BCAS4: variants seen among roughly 807,000 people sequenced by gnomAD.
BCAS4 encodes breast carcinoma amplified sequence 4, also known as breast carcinoma-amplified sequence 4.
BCAS4 carries 9 observed loss-of-function variants against 15.7 expected under a neutral mutation model. The observed-to-expected ratio is 0.57, with a 90% CI of 0.34 to 1.00. BCAS4 has a LOEUF of 1.00. Among genes scored for constraint, BCAS4 ranks in the 50% least tolerant of loss-of-function variants. The pLI is 0.02. For missense variants in BCAS4, 225 were observed against 239.1 expected (o/e 0.94, Z 0.39); for synonymous variants, 101 against 99.5 (o/e 1.02, Z -0.09).
At chr20:50,821,859 G>A (rs1011021625) in intron 2 of BCAS4, among the ~76,000 whole-genome samples, 8 of 152,116 alleles carry the variant, frequency 5.3e-5, no homozygotes, top group African/African-American at 1.4e-4. Context: ...TTTAACATTT[G>A]ATATAATGCC....
intron 4 of BCAS4, among the ~76,000 whole-genome samples, chr20:50,870,574 T>C (rs1979588019): frequency 1.3e-5 from 2 of 152,164 alleles, no homozygotes; most frequent in Admixed American, 1.3e-4. Context: ...ACCGTGGGGA[T>C]CTCAGGCTGG....
rs1568661099 is a variant in BCAS4, at chr20:50,818,302, G to A, written c.162+20G>A. On this transcript the variant is annotated intron_variant, in intron 2 of 4. Coordinates refer to ENST00000371608, the MANE Select transcript of BCAS4 (RefSeq NM_198799.4). ...GACCTGGTGAGTGGCTGCCTGGAAG[G>A]CGTGGGTTTAGGCCCAGGCCAGACT... 1.9e-6 allele frequency: 3 copies of A among 1,609,892 alleles called. No homozygotes were observed. Among genetic ancestry groups the A allele is most frequent in the Non-Finnish European group, 2.5e-6 (3 of 1,178,346 alleles).
chr20:50,860,822 C>G (rs986734229), intron 4 of BCAS4, among the ~76,000 whole-genome samples: 5 of 152,010 alleles, frequency 3.3e-5, no homozygotes, highest in African/African-American at 1.2e-4. Context: ...TGCAGTGAGC[C>G]AAGATCATGC....
At chr20:50,854,967 C>A (rs1356070843) in intron 4 of BCAS4, among the ~76,000 whole-genome samples, 2 of 152,228 alleles carry the variant, frequency 1.3e-5, no homozygotes, top group Admixed American at 6.5e-5. Context: ...CCCCTCCACA[C>A]TGCTCATGCC....
chr20:50,824,289 A>T (rs1006836903), intron 2 of BCAS4, among the ~76,000 whole-genome samples: 3 of 152,206 alleles, frequency 2.0e-5, no homozygotes, highest in Non-Finnish European at 4.4e-5. Flanking sequence ...CAGCAGTTGC[A>T]TTTGGCGTGG....
intron 1 of BCAS4, among the ~76,000 whole-genome samples, chr20:50,817,673 G>C (rs1421970013): frequency 1.3e-5 from 2 of 152,040 alleles, no homozygotes; most frequent in African/African-American, 4.8e-5. Context: ...TGTTGGTCAG[G>C]CTGGTCTCAA....
At chr20:50,796,294 G>T in intron 1 of BCAS4, among the ~76,000 whole-genome samples, 1 of 147,482 alleles carries the variant, frequency 6.8e-6, no homozygotes, top group East Asian at 2.0e-4. Context: ...GCTTGAACCT[G>T]GGAGGCGGAG....
intron 1 of BCAS4, among the ~76,000 whole-genome samples, chr20:50,807,920 T>C (rs1171302210): frequency 6.6e-6 from 1 of 151,084 alleles, no homozygotes; most frequent in Non-Finnish European, 1.5e-5. Context: ...TTTTTTTTTT[T>C]TCTTCAGACG....
At chr20:50,882,649 A>G in the BCAS4 span, 2 of 152,240 alleles carry the variant, frequency 1.3e-5, no homozygotes, top group African/African-American at 4.8e-5. Flanking sequence ...AGTTGCCACC[A>G]ATTAAAAATT....
At position 50,851,009 on chromosome 20, in the gene BCAS4, C is replaced by CT. The variant is rs1978386314; in HGVS notation, c.399+9109_399+9110insT. Among the ~76,000 whole-genome samples the CT allele has an allele frequency of 3.3e-3, 1 of 304 alleles. No individual in the cohort carries two copies. Among genetic ancestry groups the CT allele is most frequent in the Admixed American group, 0.056 (1 of 18 alleles). 0.2% of individuals were successfully genotyped at this position (304 alleles called of 152,430 possible). On this transcript the variant is annotated intron_variant, in intron 4 of 4. Transcript: ENST00000371608. The surrounding 1 kb of genome is among the most constrained non-coding windows in gnomAD (Gnocchi z 4.3). ...TGCCAGGCTCAGCGTGCTCCCCTCC[C>CT]CAGCGACCCCCCCAGCTCCCGCCCC...
chr20:50,841,522 G>A (rs1254530417), intron 3 of BCAS4, among the ~76,000 whole-genome samples: 1 of 152,138 alleles, frequency 6.6e-6, no homozygotes, highest in Non-Finnish European at 1.5e-5. Flanking sequence ...CTAAAATGGA[G>A]GCTAAGAACA....
At chr20:50,834,481 G>GAC (rs1042601440) in intron 3 of BCAS4, among the ~76,000 whole-genome samples, 2 of 151,646 alleles carry the variant, frequency 1.3e-5, no homozygotes, top group Non-Finnish European at 2.9e-5. Context: ...TTTTAATAGA[G>GAC]ACAGGGTTTC....
At chr20:50,823,341 C>G (rs912374337) in intron 2 of BCAS4, among the ~76,000 whole-genome samples, 1 of 151,680 alleles carries the variant, frequency 6.6e-6, no homozygotes, top group African/African-American at 2.4e-5. Flanking sequence ...CTCCGTCCCC[C>G]CGGCCCAAAA....
At chr20:50,803,986 G>A (rs1225360049) in intron 1 of BCAS4, among the ~76,000 whole-genome samples, 2 of 152,116 alleles carry the variant, frequency 1.3e-5, no homozygotes, top group African/African-American at 4.8e-5. Flanking sequence ...GGGGCTGGTA[G>A]AAAATGAATT....
intron 3 of BCAS4, 22 bp from the exon 4 acceptor site, chr20:50,841,744 A>G (rs747485073): frequency 4.6e-5 from 75 of 1,613,758 alleles, no homozygotes; most frequent in Non-Finnish European, 5.8e-5. Flanking sequence ...ATGCGGCATC[A>G]TGGCTTCTCC....
intron 4 of BCAS4, among the ~76,000 whole-genome samples, chr20:50,864,702 C>G (rs1191610069): frequency 6.6e-6 from 1 of 152,020 alleles, no homozygotes; most frequent in Non-Finnish European, 1.5e-5. Flanking sequence ...CTCGGCCTCT[C>G]AAAGTAGCAT....
In BCAS4 at chr20:50,795,112, A is replaced by C. The variant is rs1182866189; in HGVS notation, c.29A>C (p.Glu10Ala). Residue 10 changes from glutamate to alanine, a missense_variant, in exon 1 of 5, where the codon GAG becomes GCG. Physicochemically the swap from Glu to Ala is moderately radical, Grantham distance 107. Transcript: ENST00000371608. Reference protein sequence around the residue: MLLVDADQPEPMRSGARELA... With the variant: MLLVDADQPAPMRSGARELA... The stretch of plus-strand genomic sequence containing the variant: ...CTGCTCGTGGACGCTGATCAGCCGG[A>C]GCCCATGCGCAGCGGGGCGCGCGAG... The C allele has an allele frequency of 2.1e-5, 32 of 1,494,578 alleles. No individual in the cohort carries two copies. The highest frequency in any genetic ancestry group is 2.7e-5 in the Non-Finnish European group (30 of 1,121,482). 92.6% of individuals were successfully genotyped at this position (1,494,578 alleles called of 1,614,324 possible).
rs75995474 is a variant in BCAS4 at position 50,799,628 on chromosome 20, G to A, written c.90+4455G>A. Among the ~76,000 whole-genome samples the A allele has an allele frequency of 5.2e-3, 786 of 152,310 alleles. 2 individuals are homozygous for A. The highest frequency in any genetic ancestry group is 8.3e-3 in the Non-Finnish European group (563 of 68,024). On this transcript the variant is annotated intron_variant, in intron 1 of 4. Transcript: ENST00000371608. The stretch of plus-strand genomic sequence containing the variant: ...GCCAACCCCGGCCTTAGGGGGCCTG[G>A]GCCTCCCTGTGAAGTGGGGCCTGCT...
chr20:50,850,502 G>T (rs1978348045), intron 4 of BCAS4, among the ~76,000 whole-genome samples: 1 of 152,212 alleles, frequency 6.6e-6, no homozygotes, highest in African/African-American at 2.4e-5. Flanking sequence ...TTGCTCTTCG[G>T]CCAGCGTGGT....
Sources: gnomAD v4.1 joint callset for allele counts (sites outside exome capture counted in the v4.1 genomes callset) on GRCh38, gnomAD v4.1.1 for gene constraint, Gnocchi (gnomAD v3.1) non-coding constraint, MANE v1.5 for transcripts, NCBI Gene and HGNC (gene_info 2026-07-23, HGNC 2026-07-21) for gene names.